The following USP34 variants were observed in gnomAD, a reference collection of about 807,000 sequenced individuals.
The protein encoded by USP34 is ubiquitin specific peptidase 34.
In USP34, 70 loss-of-function variants were observed where a neutral mutation model predicts 460.3. That is an observed-to-expected ratio of 0.15 (90% CI 0.13 to 0.19). The LOEUF (loss-of-function observed/expected upper bound fraction) is 0.19, where lower values mean the gene tolerates loss of function less well. Among genes scored for constraint, USP34 ranks in the 10% least tolerant of loss-of-function variants. The probability of loss-of-function intolerance (pLI) is 1.00; values close to 1 mark genes in which losing one functional copy is unlikely to be tolerated. For missense variants in USP34, 3,985 were observed against 4,236.2 expected, an observed-to-expected ratio of 0.94 and a Z score of 1.65; for synonymous variants, 1,647 against 1,405.3, an observed-to-expected ratio of 1.17 and a Z score of -3.85.
rs369608374 is a variant in USP34 at position 61,190,305 on chromosome 2, A to G, written c.9839T>C (p.Val3280Ala). 10 of 1,613,300 alleles carry G rather than the reference A, an allele frequency of 6.2e-6. No individual in the cohort carries two copies. In the East Asian group the frequency reaches 8.9e-5, roughly 14 times the overall value. ...QNLQSDFSNR[V>A]EISKASASLN... ...AGAAGCACTTGCTTTGGAAATTTCAACTCGGTTGGAGAAATCAGACTGTAG... is the reference window on the plus strand; with the variant it reads ...AGAAGCACTTGCTTTGGAAATTTCAGCTCGGTTGGAGAAATCAGACTGTAG... Residue 3280 changes from valine to alanine, a missense_variant, in exon 78 of 80, where the codon GTT becomes GCT. Coordinates refer to ENST00000398571, the MANE Select transcript of USP34 (RefSeq NM_014709.4).
At chr2:61,280,374 GAA>G in intron 38 of USP34, 26 bp from the exon 39 acceptor site, 2 of 1,165,086 alleles carry the variant, frequency 1.7e-6, no homozygotes, top group Non-Finnish European at 2.3e-6. Context: ...TATACTTTGT[GAA>G]AACATTTTAA....
intron 1 of USP34, among the ~76,000 whole-genome samples, chr2:61,433,154 G>A (rs1694724423): frequency 6.6e-6 from 1 of 152,208 alleles, no homozygotes; most frequent in Non-Finnish European, 1.5e-5. Context: ...GGGGAATGGA[G>A]ACACACCTGT....
At chr2:61,198,438 TC>T (rs757082660) in intron 75 of USP34, among the ~76,000 whole-genome samples, 2 of 152,298 alleles carry the variant, frequency 1.3e-5, no homozygotes, top group South Asian at 2.1e-4. Flanking sequence ...ATAAATATCC[TC>T]TGTATATTGG....
intron 23 of USP34, 88 bp from the exon 24 acceptor site, chr2:61,315,062 G>A: frequency 7.6e-6 from 7 of 918,164 alleles, no homozygotes; most frequent in South Asian, 3.7e-5. Context: ...AAAAATCATA[G>A]GCAACTCCTA....
At chr2:61,315,415 C>T (rs1473199046) in intron 23 of USP34, among the ~76,000 whole-genome samples, 1 of 151,856 alleles carries the variant, frequency 6.6e-6, no homozygotes, top group African/African-American at 2.4e-5. Context: ...CTCACTTGCC[C>T]AGGCTGGAGT....
intron 24 of USP34, 32 bp downstream of exon 24, chr2:61,314,843 T>C (rs760057518): frequency 3.1e-6 from 5 of 1,599,094 alleles, no homozygotes; most frequent in Non-Finnish European, 4.3e-6. Flanking sequence ...CACATAGAAA[T>C]TACCTATCAG....
chr2:61,399,737 G>T (rs1693652449), intron 3 of USP34, among the ~76,000 whole-genome samples: 1 of 151,864 alleles, frequency 6.6e-6, no homozygotes, highest in African/African-American at 2.4e-5. Context: ...GCCAGGCGTG[G>T]TGGCGGGCGC....
intron 68 of USP34, 55 bp from the exon 69 acceptor site, chr2:61,211,984 T>G: frequency 2.6e-6 from 4 of 1,525,346 alleles, no homozygotes; most frequent in Middle Eastern, 2.0e-4. Context: ...TTTTAGAAGG[T>G]CAGTTTCTCA....
In USP34 at chr2:61,227,422, T is replaced by A. The variant is rs531496356; in HGVS notation, c.7444-204A>T. On this transcript the variant is annotated intron_variant, in intron 61 of 79. Transcript: ENST00000398571. ...ATTAAACTGCCAGAACTGTAAAGAA[T>A]AACAATTCTCTGCCGGGCATGGTGG... 3.9e-5 allele frequency among the ~76,000 whole-genome samples: 6 copies of A among 152,200 alleles called. No individual in the cohort carries two copies. In the East Asian group the frequency reaches 1.2e-3, roughly 29 times the overall value.
chr2:61,193,210 TAAATC>T (rs376775021), intron 75 of USP34: 156 of 347,408 alleles, frequency 4.5e-4, no homozygotes, highest in Middle Eastern at 2.4e-3. Flanking sequence ...ATATGGGACT[TAAATC>T]AACTCTTCTT....
rs1362774480 is a variant in USP34 at position 61,246,270 on chromosome 2, T to C, written c.6548+54A>G. The C allele has an allele frequency of 2.9e-6, 4 of 1,361,998 alleles. No homozygotes were observed. In the Admixed American group the frequency reaches 8.1e-5, roughly 28 times the overall value. The allele number at this position is 1,361,998 out of a possible 1,614,324, so 84.4% of individuals were successfully genotyped here. On this transcript the variant is annotated intron_variant, in intron 50 of 79. Coordinates refer to ENST00000398571, the MANE Select transcript of USP34 (RefSeq NM_014709.4). ...TTTAGAAAACTAAACACTGAAAACA[T>C]ATCAGAAAACTACCATAAATTGTTA... is the stretch of plus-strand genomic sequence containing the variant.
At chr2:61,460,477 T>C (rs1259006014) in intron 1 of USP34, among the ~76,000 whole-genome samples, 3 of 152,120 alleles carry the variant, frequency 2.0e-5, no homozygotes, top group East Asian at 3.8e-4. Context: ...GCAGCGATAC[T>C]AGTAATTCAG....
chr2:61,427,852 C>T (rs1694556235), intron 1 of USP34, among the ~76,000 whole-genome samples: 1 of 151,990 alleles, frequency 6.6e-6, no homozygotes, highest in South Asian at 2.1e-4. Context: ...AAAATAGCCT[C>T]AAAAGGGCAA....
chr2:61,253,692 G>A (rs1292802755), intron 48 of USP34, among the ~76,000 whole-genome samples: 1 of 150,810 alleles, frequency 6.6e-6, no homozygotes, highest in East Asian at 1.9e-4. Flanking sequence ...CTTTGTTTGA[G>A]CCCCAAGACT....
chr2:61,384,620 C>T (rs939697607), intron 5 of USP34, among the ~76,000 whole-genome samples: 3 of 152,034 alleles, frequency 2.0e-5, no homozygotes, highest in African/African-American at 2.4e-5. Context: ...TCTCAGTGAG[C>T]CAGGATCGCG....
At position 61,471,014 on chromosome 2, in the gene USP34, CAG is replaced by C. The variant is rs1558615727; in HGVS notation, c.-324_-323del. 1.3e-5 allele frequency among the ~76,000 whole-genome samples: 2 copies of C among 151,012 alleles called. No homozygotes were observed. Among genetic ancestry groups the C allele is most frequent in the South Asian group, 2.1e-4 (1 of 4,790 alleles). On this transcript the variant is annotated 5_prime_UTR_variant, in exon 1 of 80. Coordinates refer to ENST00000398571, the MANE Select transcript of USP34 (RefSeq NM_014709.4). ...AGGGGGCGGGTGGGGAGAGAAGCAG[CAG>C]AGTCACTTCACCGACCAGACGCCGC...
At chr2:61,453,957 T>C (rs943197403) in intron 1 of USP34, among the ~76,000 whole-genome samples, 8 of 152,018 alleles carry the variant, frequency 5.3e-5, no homozygotes, top group Non-Finnish European at 1.0e-4. Context: ...TCATGTTTTT[T>C]ATGAGCATTT....
intron 27 of USP34, among the ~76,000 whole-genome samples, chr2:61,308,349 C>G (rs563558998): frequency 1.3e-5 from 2 of 152,006 alleles, no homozygotes; most frequent in Admixed American, 1.3e-4. Context: ...AAAAAGAGCT[C>G]TTAGATATTA....
At chr2:61,454,863 T>G (rs774063850) in intron 1 of USP34, among the ~76,000 whole-genome samples, 32 of 89,930 alleles carry the variant, frequency 3.6e-4, no homozygotes, top group Non-Finnish European at 4.9e-4. Flanking sequence ...AGTGGGGTTT[T>G]TTTTTTCTTT....
Sources: gnomAD v4.1 joint callset for allele counts (sites outside exome capture counted in the v4.1 genomes callset) on GRCh38, gnomAD v4.1.1 for gene constraint, MANE v1.5 for transcripts, NCBI Gene and HGNC (gene_info 2026-07-23, HGNC 2026-07-21) for gene names.